The following CTNND2 variants were observed in gnomAD, a reference collection of about 807,000 sequenced individuals.
The protein encoded by CTNND2 is catenin delta-2.
CTNND2 carries 22 observed loss-of-function variants against 144.4 expected under a neutral mutation model. The ratio of observed to expected loss-of-function variants is 0.15; its 90% CI spans 0.11 to 0.22. The LOEUF is 0.22. Among genes scored for constraint, CTNND2 ranks in the 10% least tolerant of loss-of-function variants. The pLI is 1.00. For synonymous variants in CTNND2, 751 were observed against 695.6 expected (o/e 1.08, Z -1.25); for missense variants, 1,353 against 1,618.8 (o/e 0.84, Z 2.82).
chr5:11,544,947 T>A (rs955672539), intron 3 of CTNND2, among the ~76,000 whole-genome samples: 5 of 151,440 alleles, frequency 3.3e-5, no homozygotes, highest in Admixed American at 1.3e-4. Context: ...TGAAACCCCA[T>A]CCCTACTAAA....
intron 8 of CTNND2, among the ~76,000 whole-genome samples, chr5:11,360,932 A>G (rs939763320): frequency 6.6e-6 from 1 of 152,180 alleles, no homozygotes. Context: ...ATAAATGTCT[A>G]TCTATTTTGT....
intron 3 of CTNND2, among the ~76,000 whole-genome samples, chr5:11,461,585 C>CT (rs1766228619): frequency 6.6e-6 from 1 of 152,128 alleles, no homozygotes; most frequent in South Asian, 2.1e-4. Flanking sequence ...TGTGTCACCT[C>CT]TGTCCCTTCA....
chr5:11,259,466 G>A (rs1348481435), intron 9 of CTNND2, among the ~76,000 whole-genome samples: 1 of 152,154 alleles, frequency 6.6e-6, no homozygotes, highest in Non-Finnish European at 1.5e-5. Context: ...AGCCCTGTGG[G>A]ACCATTACAT....
At chr5:11,013,271 T>C (rs1324675890) in intron 18 of CTNND2, among the ~76,000 whole-genome samples, 1 of 152,206 alleles carries the variant, frequency 6.6e-6, no homozygotes, top group Non-Finnish European at 1.5e-5. Context: ...AGCATAAAAA[T>C]ACACAAGTTT....
chr5:11,578,456 T>C (rs1778135624), intron 2 of CTNND2, among the ~76,000 whole-genome samples: 1 of 151,384 alleles, frequency 6.6e-6, no homozygotes, highest in African/African-American at 2.4e-5. Context: ...AGGTCAGGAG[T>C]TCGAGGCCAG....
intron 2 of CTNND2, among the ~76,000 whole-genome samples, chr5:11,711,277 G>C (rs1786016637): frequency 6.6e-6 from 1 of 151,778 alleles, no homozygotes; most frequent in Non-Finnish European, 1.5e-5. Context: ...GCTGGTCTTG[G>C]AACTCCTGAC....
At chr5:10,995,427 T>C (rs958333821) in intron 18 of CTNND2, among the ~76,000 whole-genome samples, 1 of 152,168 alleles carries the variant, frequency 6.6e-6, no homozygotes, top group Non-Finnish European at 1.5e-5. Flanking sequence ...TGCCTGGTGG[T>C]CTGGGAGGAA....
Position 11,207,282 on chromosome 5 carries a change from C to T in CTNND2, c.1762-7621G>A, listed in dbSNP as rs1299984736. Among the ~76,000 whole-genome samples the T allele has an allele frequency of 5.3e-5, 8 of 151,452 alleles. No individual in the cohort carries two copies. In the South Asian group the frequency reaches 6.3e-4, roughly 12 times the overall value. On this transcript the variant is annotated intron_variant, in intron 10 of 21. Coordinates refer to ENST00000304623, the MANE Select transcript of CTNND2 (RefSeq NM_001332.4). ...GGATAGCATTAGGAGAAATACCTAA[C>T]GTACATGACGGGTTGATGGGTGCAG...
chr5:10,988,979 G>A lies in CTNND2; in HGVS notation c.3212-737C>T, dbSNP rs781321627. On this transcript the variant is annotated intron_variant, in intron 19 of 21. Coordinates refer to ENST00000304623, the MANE Select transcript of CTNND2 (RefSeq NM_001332.4). The surrounding 1 kb of genome is among the most constrained non-coding windows in gnomAD (Gnocchi z 5.9). ...TCTGGCTGGGAGGCTGAGCCCTGCC[G>A]TTCCTCTTACACCCATTTCTAAAGT... Among the ~76,000 whole-genome samples, 14 of 152,272 alleles carry A rather than the reference G, an allele frequency of 9.2e-5. No homozygotes were observed. Among genetic ancestry groups the A allele is most frequent in the Admixed American group, 7.8e-4 (12 of 15,296 alleles).
At position 11,477,208 on chromosome 5, in the gene CTNND2, G is replaced by A. The variant is rs570423518; in HGVS notation, c.288-65139C>T. Among the ~76,000 whole-genome samples, 13 of 152,184 alleles carry A rather than the reference G, an allele frequency of 8.5e-5. No individual in the cohort carries two copies. The East Asian group carries it at 2.5e-3, about 29-fold the overall frequency. ...AATTATCACGGCAATTAACTCCCAT[G>A]AACTATTCATTATTAACTCTCAATT... On this transcript the variant is annotated intron_variant, in intron 3 of 21. Coordinates refer to ENST00000304623, the MANE Select transcript of CTNND2 (RefSeq NM_001332.4).
chr5:11,471,177 C>T (rs1020879188), intron 3 of CTNND2, among the ~76,000 whole-genome samples: 1 of 151,430 alleles, frequency 6.6e-6, no homozygotes, highest in Non-Finnish European at 1.5e-5. Context: ...CGGGGTTTCA[C>T]AGTGTTAGCC....
At chr5:11,671,910 G>A (rs1344547569) in intron 2 of CTNND2, among the ~76,000 whole-genome samples, 3 of 152,164 alleles carry the variant, frequency 2.0e-5, no homozygotes, top group African/African-American at 7.2e-5. Context: ...CCCCATGTTC[G>A]TGGATTTATC....
chr5:11,262,068 A>G (rs940996763), intron 9 of CTNND2, among the ~76,000 whole-genome samples: 1 of 152,170 alleles, frequency 6.6e-6, no homozygotes, highest in Admixed American at 6.5e-5. Context: ...AAAAGATAGG[A>G]GGCCCCAGGT....
chr5:11,252,070 T>C (rs539139911), intron 9 of CTNND2, among the ~76,000 whole-genome samples: 1 of 152,318 alleles, frequency 6.6e-6, no homozygotes, highest in Admixed American at 6.5e-5. Flanking sequence ...ACCATTTTAG[T>C]GGCAGTAGCA....
At chr5:11,232,404 C>T (rs926909230) in intron 10 of CTNND2, among the ~76,000 whole-genome samples, 1 of 152,248 alleles carries the variant, frequency 6.6e-6, no homozygotes, top group Non-Finnish European at 1.5e-5. Context: ...GGCAGAGCTG[C>T]TCAAGGCCAT....
chr5:11,711,080 T>C (rs1185032199), intron 2 of CTNND2, among the ~76,000 whole-genome samples: 1 of 152,106 alleles, frequency 6.6e-6, no homozygotes, highest in African/African-American at 2.4e-5. Flanking sequence ...TTTTTTTTCT[T>C]TTTGAGAGGA....
intron 1 of CTNND2, among the ~76,000 whole-genome samples, chr5:11,872,662 T>C (rs1472997004): frequency 7.3e-6 from 1 of 137,676 alleles, no homozygotes; most frequent in South Asian, 2.3e-4. Flanking sequence ...TCATGTTTGT[T>C]GGCTGCATAA....
At chr5:11,224,559 A>C (rs1046357023) in intron 10 of CTNND2, among the ~76,000 whole-genome samples, 1 of 152,150 alleles carries the variant, frequency 6.6e-6, no homozygotes, top group Non-Finnish European at 1.5e-5. Context: ...TGTTAAAGTC[A>C]CTGCCTTCCT....
intron 3 of CTNND2, among the ~76,000 whole-genome samples, chr5:11,431,782 T>C (rs995671285): frequency 1.3e-5 from 2 of 152,070 alleles, no homozygotes; most frequent in Admixed American, 6.6e-5. Flanking sequence ...CATGCCCTGC[T>C]TGCATTCTAG....
Sources: allele counts gnomAD v4.1 joint callset (sites outside exome capture counted in the v4.1 genomes callset), GRCh38; gene constraint gnomAD v4.1.1; non-coding constraint Gnocchi (gnomAD v3.1); transcripts MANE v1.5; gene names NCBI Gene and HGNC (gene_info 2026-07-23, HGNC 2026-07-21).